The following AKAP9 variants were observed in gnomAD, a reference collection of about 807,000 sequenced individuals.
AKAP9 encodes the protein A-kinase anchoring protein 9, also known as A-kinase anchor protein 9.
In AKAP9, 311 loss-of-function variants were observed where a neutral mutation model predicts 488.5. The observed-to-expected ratio is 0.64, with a 90% CI of 0.58 to 0.70. The LOEUF (loss-of-function observed/expected upper bound fraction) is 0.70, where lower values mean the gene tolerates loss of function less well. Ranked by LOEUF, AKAP9 falls within the 30% of genes least tolerant of loss-of-function variation. AKAP9 has a pLI of 0.00. For missense variants in AKAP9, 4,215 were observed against 4,374.5 expected (o/e 0.96, Z 1.03); for synonymous variants, 1,462 against 1,483.5 (o/e 0.99, Z 0.33).
At chr7:92,027,395 G>A (rs1404950081) in intron 14 of AKAP9, among the ~76,000 whole-genome samples, 9 of 141,830 alleles carry the variant, frequency 6.3e-5, no homozygotes, top group Non-Finnish European at 9.2e-5. Context: ...CTGCCCGGCC[G>A]CCCTGTCTGG....
At position 92,097,253 on chromosome 7, in the gene AKAP9, G is replaced by A. The variant is rs1183330019; in HGVS notation, c.10294G>A (p.Glu3432Lys). The change falls in exon 41 of 50, where the codon GAA becomes AAA. Residue 3432 changes from glutamate (E) to lysine (K), a missense_variant. Glu to Lys is a moderately conservative substitution (Grantham distance 56, BLOSUM62 1). Coordinates refer to ENST00000356239, the MANE Select transcript of AKAP9 (RefSeq NM_005751.5). Reference protein sequence around the residue: ...KRQQVYKLDLEGQRLQGIMQE... With the variant: ...KRQQVYKLDLKGQRLQGIMQE... Reference sequence around the variant, plus strand: ...ACAACAAGTTTATAAGTTAGACCTTGAAGGACAGCGACTACAAGGAATCAT... The same window carrying A: ...ACAACAAGTTTATAAGTTAGACCTTAAAGGACAGCGACTACAAGGAATCAT... 2 of 1,613,756 alleles carry A rather than the reference G, an allele frequency of 1.2e-6. No individual in the cohort carries two copies. The highest frequency in any genetic ancestry group is 2.7e-5 in the African/African-American group (2 of 74,902).
In AKAP9 at chr7:92,083,404, G is replaced by C. The variant is rs1380237824; in HGVS notation, c.8395G>C (p.Val2799Leu). 1 of 1,613,936 alleles carries C rather than the reference G, an allele frequency of 6.2e-7. No homozygotes were observed. The highest frequency in any genetic ancestry group is 1.7e-5 in the Admixed American group (1 of 60,008). The change falls in exon 33 of 50, where the codon GTT becomes CTT. Residue 2799 changes from valine to leucine, a missense_variant. Transcript: ENST00000356239. ...CAGCAATCAGACTCCACAAATTCTTGTTAAAAATGCAGGAATACAAATTAA... is the reference window on the plus strand; with the variant it reads ...CAGCAATCAGACTCCACAAATTCTTCTTAAAAATGCAGGAATACAAATTAA... ...SSSNQTPQIL[V>L]KNAGIQINLQ... is the part of the protein sequence containing the mutation.
chr7:92,014,564 G>A (rs1801242981), intron 10 of AKAP9, among the ~76,000 whole-genome samples: 1 of 152,178 alleles, frequency 6.6e-6, no homozygotes, highest in African/African-American at 2.4e-5. Flanking sequence ...GGGAGGCAGA[G>A]GTTGCAGTGA....
At position 92,097,308 on chromosome 7, in the gene AKAP9, G is replaced by A. The variant is rs548234238; in HGVS notation, c.10349G>A (p.Arg3450Gln). ...MQEFQKQELE[R>Q]EEKRESRRIL... ...GAATTCCAGAAGCAAGAACTAGAAC[G>A]AGAAGAAAAACGAGAAAGTAGAAGA... The change falls in exon 41 of 50, where the codon CGA becomes CAA. Residue 3450 changes from arginine to glutamine, a missense_variant. Arg to Gln is a conservative substitution (Grantham distance 43). Around this residue, in one of 5 missense-constraint regions of AKAP9, gnomAD observed 1,476 missense variants for 1,477.4 expected, o/e 1.00. Transcript: ENST00000356239. 8.7e-6 allele frequency: 14 copies of A among 1,613,714 alleles called. No homozygotes were observed. The highest frequency in any genetic ancestry group is 6.7e-5 in the African/African-American group (5 of 75,038).
intron 17 of AKAP9, among the ~76,000 whole-genome samples, chr7:92,039,518 A>T (rs907750533): frequency 2.0e-5 from 3 of 152,340 alleles, no homozygotes; most frequent in African/African-American, 7.2e-5. Flanking sequence ...TGATTTATGT[A>T]CTTATTTATT....
chr7:92,003,646 A>C (rs183629346), intron 8 of AKAP9, among the ~76,000 whole-genome samples: 290 of 151,800 alleles, frequency 1.9e-3, no homozygotes, highest in African/African-American at 6.5e-3. Flanking sequence ...CTGAAAATGA[A>C]CTCCTAAGCT....
chr7:92,108,768 C>A, intron 49 of AKAP9, 135 bp downstream of exon 49: 1 of 1,077,464 alleles, frequency 9.3e-7, no homozygotes, highest in Non-Finnish European at 1.4e-6. Context: ...TTAAGTTAGC[C>A]AAAGCTTAAA....
intron 1 of AKAP9, among the ~76,000 whole-genome samples, chr7:91,956,526 T>C (rs1290063551): frequency 1.3e-5 from 2 of 152,204 alleles, no homozygotes; most frequent in African/African-American, 4.8e-5. Context: ...TTGTATTTTT[T>C]CTAACTTTGG....
In AKAP9 at chr7:92,017,012, T is replaced by A; in HGVS notation, c.3752-5T>A. 6.5e-7 allele frequency: 1 copy of A among 1,548,716 alleles called. No homozygotes were observed. The highest frequency in any genetic ancestry group is 8.9e-7 in the Non-Finnish European group (1 of 1,128,256). On this transcript the variant is annotated splice_polypyrimidine_tract_variant and splice_region_variant and intron_variant, in intron 11 of 49. Coordinates refer to ENST00000356239, the MANE Select transcript of AKAP9 (RefSeq NM_005751.5). ...AATTATTGTAATTGTTTGTTTACCA[T>A]CCAGACTTTCAAGAAAATATGCACA...
chr7:92,063,278 T>C (rs1368098953), intron 24 of AKAP9, among the ~76,000 whole-genome samples: 1 of 152,182 alleles, frequency 6.6e-6, no homozygotes, highest in Non-Finnish European at 1.5e-5. Context: ...AAAGTATATG[T>C]CATATATGCA....
chr7:91,940,998 G>C lies in AKAP9; in HGVS notation c.-102G>C, dbSNP rs973923424. ...AGCGCCGGACCGAATCGGCTCTCTA[G>C]GCCGTGGAGCTTGCCGTCCCACCTC... On this transcript the variant is annotated 5_prime_UTR_variant, in exon 1 of 50. Coordinates refer to ENST00000356239, the MANE Select transcript of AKAP9 (RefSeq NM_005751.5). The C allele has an allele frequency of 1.6e-6, 2 of 1,242,768 alleles. No homozygotes were observed. Among genetic ancestry groups the C allele is most frequent in the African/African-American group, 1.5e-5 (1 of 67,374 alleles). 77.0% of individuals were successfully genotyped at this position (1,242,768 alleles called of 1,614,324 possible). A position where few individuals can be genotyped will look rare whatever the true frequency, so the allele number is the denominator to read the frequency against.
At chr7:92,070,392 G>A (rs527670558) in intron 27 of AKAP9, among the ~76,000 whole-genome samples, 186 bp downstream of exon 27, 1 of 136,390 alleles carries the variant, frequency 7.3e-6, no homozygotes, top group African/African-American at 3.3e-5. Context: ...AGAGTTTTTT[G>A]TTGTTGTTGT....
chr7:91,989,035 C>T (rs897047487), intron 3 of AKAP9, among the ~76,000 whole-genome samples: 1 of 152,116 alleles, frequency 6.6e-6, no homozygotes. Flanking sequence ...ATGTGTTTGG[C>T]ATACATTAGA....
At chr7:92,006,323 G>A (rs1178959912) in intron 8 of AKAP9, among the ~76,000 whole-genome samples, 1 of 151,802 alleles carries the variant, frequency 6.6e-6, no homozygotes, top group African/African-American at 2.4e-5. Context: ...CTAGGTTTTT[G>A]TATTTTTTGT....
intron 1 of AKAP9, among the ~76,000 whole-genome samples, chr7:91,958,836 G>A (rs796962420): frequency 1.3e-5 from 2 of 149,392 alleles, no homozygotes; most frequent in African/African-American, 5.0e-5. Context: ...AGTTTATGTT[G>A]AGAGCATTTT....
rs539027288 is a variant in AKAP9, at chr7:92,051,325, C to A, written c.5369-1401C>A. On this transcript the variant is annotated intron_variant, in intron 21 of 49. Transcript: ENST00000356239. ...GCATTTAATTTCTCACATAAAGATG[C>A]TGTAAATTCCAAGATTATCTTGCAC... 5.3e-5 allele frequency among the ~76,000 whole-genome samples: 8 copies of A among 152,302 alleles called. No homozygotes were observed. The East Asian group carries it at 1.2e-3, about 22-fold the overall frequency.
chr7:92,079,607 G>T lies in AKAP9; in HGVS notation c.7474G>T (p.Gly2492Cys), dbSNP rs769994025. Residue 2492 changes from glycine (G) to cysteine (C), a missense_variant, in exon 31 of 50, where the codon GGT (glycine) becomes TGT (cysteine). Gly to Cys is a radical substitution (Grantham distance 159, BLOSUM62 -3). Around this residue, in one of 5 missense-constraint regions of AKAP9, gnomAD observed 1,476 missense variants for 1,477.4 expected, o/e 1.00. Transcript: ENST00000356239. ...YFKSFEENGK[G>C]SIINLETRLL... ...CAAATCTTTTGAAGAAAATGGCAAA[G>T]GTTCCATAATTAATTTGGAAACAAG... 2 of 1,613,868 alleles carry T rather than the reference G, an allele frequency of 1.2e-6. No homozygotes were observed. The highest frequency in any genetic ancestry group is 2.2e-5 in the South Asian group (2 of 91,062).
intron 1 of AKAP9, among the ~76,000 whole-genome samples, chr7:91,967,615 CAT>C (rs1218843408): frequency 6.6e-6 from 1 of 152,164 alleles, no homozygotes; most frequent in Non-Finnish European, 1.5e-5. Flanking sequence ...TTGATTTGCA[CAT>C]GTTTAACTAT....
chr7:92,015,188 T>C (rs1229880653), intron 10 of AKAP9, among the ~76,000 whole-genome samples: 1 of 152,174 alleles, frequency 6.6e-6, no homozygotes, highest in Non-Finnish European at 1.5e-5. Flanking sequence ...TTTTTAGTTA[T>C]ATGAGGAACA....
Sources: gnomAD v4.1 joint callset for allele counts (sites outside exome capture counted in the v4.1 genomes callset) on GRCh38, gnomAD v4.1.1 for gene constraint, gnomAD v4.1.1 regional missense constraint, MANE v1.5 for transcripts, NCBI Gene and HGNC (gene_info 2026-07-23, HGNC 2026-07-21) for gene names.